SLC24A2: variants seen among roughly 807,000 people sequenced by gnomAD.
SLC24A2 encodes the protein solute carrier family 24 member 2.
A neutral mutation model predicts 62.0 loss-of-function variants in SLC24A2; 36 were observed. That is an observed-to-expected ratio of 0.58 (90% CI 0.44 to 0.77). The LOEUF (loss-of-function observed/expected upper bound fraction) is 0.77. SLC24A2 is among the 30% of genes least tolerant of loss of function. The probability of loss-of-function intolerance (pLI) is 0.00; values close to 1 mark genes in which losing one functional copy is unlikely to be tolerated. For synonymous variants in SLC24A2, 358 were observed against 294.0 expected (o/e 1.22, Z -2.23); for missense variants, 846 against 817.9 (o/e 1.03, Z -0.42).
At chr9:20,229,810 G>A in the SLC24A2 span, among the ~76,000 whole-genome samples, 2 of 151,724 alleles carry the variant, frequency 1.3e-5, no homozygotes, top group South Asian at 4.2e-4. Context: ...GTGTACATGT[G>A]TCATGTTGGT....
rs1189696832 is a variant in SLC24A2, at chr9:19,515,556, T to C, written c.*597A>G. ...TCACAGCAATGCTACCTTTGTCTTG[T>C]TGGTTCCATTAGTTCACCTCTTGTA... On this transcript the variant is annotated 3_prime_UTR_variant, in exon 11 of 11. Coordinates refer to ENST00000341998, the MANE Select transcript of SLC24A2 (RefSeq NM_020344.4). 1 of 152,238 alleles carries C rather than the reference T, an allele frequency of 6.6e-6. No individual in the cohort carries two copies. Among genetic ancestry groups the C allele is most frequent in the African/African-American group, 2.4e-5 (1 of 41,406 alleles). 9.4% of individuals were successfully genotyped at this position (152,238 alleles called of 1,614,324 possible).
chr9:20,275,518 G>C, the SLC24A2 span, among the ~76,000 whole-genome samples: 26 of 152,278 alleles, frequency 1.7e-4, no homozygotes, highest in Admixed American at 3.3e-4. Flanking sequence ...ACCTAAGATA[G>C]TACCATACAT....
intron 2 of SLC24A2, among the ~76,000 whole-genome samples, chr9:19,744,472 C>T (rs62546375): frequency 0.17 from 26,412 of 151,988 alleles, 2,860 homozygotes; most frequent in Non-Finnish European, 0.24. Flanking sequence ...CTCCTATGCT[C>T]GTAGAGGACT....
chr9:19,886,122 G>A, the SLC24A2 span, among the ~76,000 whole-genome samples: 18 of 152,204 alleles, frequency 1.2e-4, no homozygotes, highest in African/African-American at 3.1e-4. Flanking sequence ...CTAATAATAC[G>A]ATTGCTGGGT....
intron 2 of SLC24A2, among the ~76,000 whole-genome samples, chr9:19,713,911 T>C (rs558542681): frequency 1.3e-5 from 2 of 152,236 alleles, no homozygotes; most frequent in African/African-American, 4.8e-5. Flanking sequence ...ACCAAGTAAA[T>C]TGCACATTTT....
chr9:19,631,771 C>A (rs1203097261), intron 2 of SLC24A2, among the ~76,000 whole-genome samples: 1 of 152,188 alleles, frequency 6.6e-6, no homozygotes, highest in Admixed American at 6.5e-5. Context: ...AACCATTTGA[C>A]TAATACAGAG....
In SLC24A2 at chr9:19,786,931, CT is replaced by C; in HGVS notation, c.-66del. The C allele has an allele frequency of 1.3e-6, 2 of 1,583,972 alleles. No individual in the cohort carries two copies. The highest frequency in any genetic ancestry group is 1.7e-6 in the Non-Finnish European group (2 of 1,173,044). On this transcript the variant is annotated 5_prime_UTR_variant, in exon 2 of 11. Transcript: ENST00000341998. The surrounding 1 kb of genome is among the most constrained non-coding windows in gnomAD (Gnocchi z 5.0). Reference sequence around the variant, plus strand: ...GACTCAACCAGATGGTTCTTTCATACTTTTCCTTACTTTATAGTTAACGATG... The same window carrying C: ...GACTCAACCAGATGGTTCTTTCATACTTTCCTTACTTTATAGTTAACGATG...
the SLC24A2 span, among the ~76,000 whole-genome samples, chr9:19,940,521 T>C: frequency 6.6e-6 from 1 of 152,190 alleles, no homozygotes; most frequent in African/African-American, 2.4e-5. Flanking sequence ...TGAGTGCTCA[T>C]GTCTCTCCCA....
the SLC24A2 span, among the ~76,000 whole-genome samples, chr9:20,007,302 C>T: frequency 6.6e-6 from 1 of 152,114 alleles, no homozygotes; most frequent in African/African-American, 2.4e-5. Context: ...TTGGAAGTGG[C>T]TGCTGGTAAT....
At chr9:20,141,524 G>A in the SLC24A2 span, among the ~76,000 whole-genome samples, 7 of 151,822 alleles carry the variant, frequency 4.6e-5, no homozygotes, top group South Asian at 6.2e-4. Flanking sequence ...ACCAGCTGAC[G>A]GTATGTCACA....
At chr9:19,733,760 T>C (rs1479295336) in intron 2 of SLC24A2, among the ~76,000 whole-genome samples, 2 of 152,220 alleles carry the variant, frequency 1.3e-5, no homozygotes, top group Non-Finnish European at 2.9e-5. Flanking sequence ...GTTGTCTCTG[T>C]TGGGCACCTC....
At chr9:19,750,945 C>T (rs1177269720) in intron 2 of SLC24A2, among the ~76,000 whole-genome samples, 4 of 152,136 alleles carry the variant, frequency 2.6e-5, no homozygotes, top group East Asian at 1.9e-4. Context: ...AGTGTTAGAC[C>T]GGCTTCTGGT....
chr9:19,845,576 G>C, the SLC24A2 span, among the ~76,000 whole-genome samples: 3 of 151,914 alleles, frequency 2.0e-5, no homozygotes, highest in Non-Finnish European at 4.4e-5. Flanking sequence ...TATGGATTTG[G>C]GGGACTTGAT....
chr9:19,878,162 T>C, the SLC24A2 span, among the ~76,000 whole-genome samples: 6 of 152,268 alleles, frequency 3.9e-5, no homozygotes, highest in South Asian at 1.2e-3. Flanking sequence ...AATGCCCTTA[T>C]CAGCAAGAAG....
chr9:19,619,266 A>C (rs1228090279), intron 4 of SLC24A2, among the ~76,000 whole-genome samples: 1 of 152,226 alleles, frequency 6.6e-6, no homozygotes, highest in Non-Finnish European at 1.5e-5. Flanking sequence ...GACAAAAGAG[A>C]ACTGTTACTT....
chr9:20,045,073 A>C, the SLC24A2 span, among the ~76,000 whole-genome samples: 1 of 152,216 alleles, frequency 6.6e-6, no homozygotes, highest in Non-Finnish European at 1.5e-5. Flanking sequence ...GTATTAAATA[A>C]AATGTATCAA....
chr9:20,300,786 C>T, the SLC24A2 span, among the ~76,000 whole-genome samples: 1 of 152,150 alleles, frequency 6.6e-6, no homozygotes, highest in Non-Finnish European at 1.5e-5. Flanking sequence ...TTATTAAAGA[C>T]TCTTGGGGAC....
the SLC24A2 span, among the ~76,000 whole-genome samples, chr9:19,876,723 C>T: frequency 1.3e-5 from 2 of 152,052 alleles, no homozygotes; most frequent in Non-Finnish European, 2.9e-5. Context: ...CTCTCATAGC[C>T]ATGGGAAAAG....
chr9:19,755,505 G>A (rs907795317), intron 2 of SLC24A2, among the ~76,000 whole-genome samples: 3 of 152,164 alleles, frequency 2.0e-5, no homozygotes, highest in Non-Finnish European at 2.9e-5. Context: ...ACTGTGTTAC[G>A]GAAATAGTGT....
Sources: allele counts gnomAD v4.1 joint callset (sites outside exome capture counted in the v4.1 genomes callset), GRCh38; gene constraint gnomAD v4.1.1; non-coding constraint Gnocchi (gnomAD v3.1); transcripts MANE v1.5; gene names NCBI Gene and HGNC (gene_info 2026-07-23, HGNC 2026-07-21).